ZNF831: variants seen among roughly 807,000 people sequenced by gnomAD.
The protein encoded by ZNF831 is chromosome 20 open reading frame 174.
A neutral mutation model predicts 95.8 loss-of-function variants in ZNF831; 59 were observed. That is an observed-to-expected ratio of 0.62 (90% CI 0.50 to 0.77). ZNF831 has a LOEUF of 0.77. Among genes scored for constraint, ZNF831 ranks in the 30% least tolerant of loss-of-function variants. ZNF831 has a pLI of 0.00. For missense variants in ZNF831, 2,205 were observed against 2,164.0 expected (o/e 1.02, Z -0.38); for synonymous variants, 961 against 925.5 (o/e 1.04, Z -0.70).
In ZNF831 at chr20:59,192,190, G is replaced by C. The variant is rs1225528900; in HGVS notation, c.1171G>C (p.Gly391Arg). ...PGPGVAGAEP[G>R]AREAGLELEK... ...GCCAGGGGTCGCAGGGGCCGAGCCC[G>C]GGGCGCGAGAAGCCGGCCTGGAGCT... is the stretch of plus-strand genomic sequence containing the variant. Residue 391 changes from glycine (G) to arginine (R), a missense_variant, in exon 2 of 6, where the codon GGG becomes CGG. Coordinates refer to ENST00000371030, the MANE Select transcript of ZNF831 (RefSeq NM_178457.3). The surrounding 1 kb of genome is among the most constrained non-coding windows in gnomAD (Gnocchi z 5.2). 5 of 1,572,034 alleles carry C rather than the reference G, an allele frequency of 3.2e-6. No individual in the cohort carries two copies. The South Asian group carries it at 3.5e-5, about 11-fold the overall frequency.
At chr20:59,168,688 C>T (rs964133122) in intron 1 of ZNF831, among the ~76,000 whole-genome samples, 16 of 152,120 alleles carry the variant, frequency 1.1e-4, no homozygotes, top group Middle Eastern at 6.8e-3. Context: ...AGAAAACATT[C>T]AGTTTTTCAC....
At position 59,208,375 on chromosome 20, in the gene ZNF831, A is replaced by G. The variant is rs1985053767; in HGVS notation, c.4027+1319A>G. On this transcript the variant is annotated intron_variant, in intron 4 of 5. Transcript: ENST00000371030. This position sits in a 1 kb window ranked among gnomAD's most constrained non-coding sequence, Gnocchi z 4.2. ...GGACAAGAGGATGTCTCCCCCATGC[A>G]AAGGCCAGGGGACCATGCAACTCTC... Among the ~76,000 whole-genome samples the G allele has an allele frequency of 6.6e-6, 1 of 152,016 alleles. No homozygotes were observed. Among genetic ancestry groups the G allele is most frequent in the South Asian group, 2.1e-4 (1 of 4,808 alleles).
chr20:59,219,510 T>C (rs962747751), intron 4 of ZNF831, among the ~76,000 whole-genome samples: 3 of 152,040 alleles, frequency 2.0e-5, no homozygotes, highest in African/African-American at 7.2e-5. Flanking sequence ...TGAGGGATCC[T>C]GACAAGGCCT....
rs2146562847 is a variant in ZNF831, at chr20:59,192,285, C to A, written c.1266C>A (p.Ala422=). The part of the protein sequence containing the change: ...ISHNQAVVDD[A]QLDNVRPRKT... ...ACAACCAGGCGGTGGTGGACGATGC[C>A]CAGCTGGACAACGTGCGGCCCCGGA... Residue 422 remains alanine (A), a synonymous_variant, in exon 2 of 6, where the codon GCC becomes GCA. Coordinates refer to ENST00000371030, the MANE Select transcript of ZNF831 (RefSeq NM_178457.3). The surrounding 1 kb of genome is among the most constrained non-coding windows in gnomAD (Gnocchi z 5.2). 1 of 1,589,194 alleles carries A rather than the reference C, an allele frequency of 6.3e-7. No homozygotes were observed.
chr20:59,152,311 G>A (rs1331272847), intron 2 of ZNF831, among the ~76,000 whole-genome samples: 1 of 148,924 alleles, frequency 6.7e-6, no homozygotes, highest in East Asian at 1.9e-4. Context: ...AGGTTCGGGA[G>A]TGGGAGATCA....
chr20:59,251,519 C>T (rs1054264536), intron 4 of ZNF831, among the ~76,000 whole-genome samples: 1 of 152,144 alleles, frequency 6.6e-6, no homozygotes, highest in African/African-American at 2.4e-5. Context: ...TCTCATGAAA[C>T]TACTAGAAGT....
intron 2 of ZNF831, among the ~76,000 whole-genome samples, chr20:59,158,383 G>GTGC (rs1980657384): frequency 6.6e-6 from 1 of 152,214 alleles, no homozygotes; most frequent in African/African-American, 2.4e-5. Context: ...CAAACAGTCT[G>GTGC]TGCTGCACAG....
intron 1 of ZNF831, among the ~76,000 whole-genome samples, chr20:59,175,332 C>G (rs1440525983): frequency 6.6e-6 from 1 of 152,116 alleles, no homozygotes; most frequent in Non-Finnish European, 1.5e-5. Flanking sequence ...TTAAGCTCAT[C>G]TTCTTTCTCT....
chr20:59,236,460 G>GT (rs1987004619), intron 4 of ZNF831, among the ~76,000 whole-genome samples: 1 of 150,596 alleles, frequency 6.6e-6, no homozygotes, highest in African/African-American at 2.4e-5. Context: ...TTTTGTTTTT[G>GT]TTTTTTGTTT....
At chr20:59,126,401 G>C (rs922807881) in intron 1 of ZNF831, among the ~76,000 whole-genome samples, 5 of 152,188 alleles carry the variant, frequency 3.3e-5, no homozygotes, top group Admixed American at 2.6e-4. Context: ...GGTCCCAGCA[G>C]TGTCACTGTG....
Position 59,208,496 on chromosome 20 carries a change from T to A in ZNF831, c.4027+1440T>A, listed in dbSNP as rs1410178843. Among the ~76,000 whole-genome samples, 1 of 152,144 alleles carries A rather than the reference T, an allele frequency of 6.6e-6. No homozygotes were observed. Among genetic ancestry groups the A allele is most frequent in the African/African-American group, 2.4e-5 (1 of 41,440 alleles). ...CCTGTGGATGCCCCTCGTCTCTCCT[T>A]AAGAGTTTTCCAATGTATAACCCAC... On this transcript the variant is annotated intron_variant, in intron 4 of 5. Coordinates refer to ENST00000371030, the MANE Select transcript of ZNF831 (RefSeq NM_178457.3). This position sits in a 1 kb window ranked among gnomAD's most constrained non-coding sequence, Gnocchi z 4.2.
rs1439777593 is a variant in ZNF831 at position 59,217,184 on chromosome 20, G to GTGTGTGTGTC, written c.4027+10137_4027+10138insCTGTGTGTGT. Among the ~76,000 whole-genome samples, 10 of 152,146 alleles carry GTGTGTGTGTC rather than the reference G, an allele frequency of 6.6e-5. No homozygotes were observed. The highest frequency in any genetic ancestry group is 2.1e-4 in the South Asian group (1 of 4,832). On this transcript the variant is annotated intron_variant, in intron 4 of 5. Coordinates refer to ENST00000371030, the MANE Select transcript of ZNF831 (RefSeq NM_178457.3). This position sits in a 1 kb window ranked among gnomAD's most constrained non-coding sequence, Gnocchi z 4.4. ...TCTCTGTGTGTGTGTGTGTGTGTGTGTGTGTGTGTGTAACACAGCAGCAGC... is the reference window on the plus strand; with the variant it reads ...TCTCTGTGTGTGTGTGTGTGTGTGTGTGTGTGTGTCTGTGTGTGTGTAACACAGCAGCAGC...
intron 2 of ZNF831, among the ~76,000 whole-genome samples, chr20:59,154,665 C>A (rs1194792937): frequency 3.3e-5 from 5 of 152,266 alleles, no homozygotes; most frequent in African/African-American, 1.2e-4. Flanking sequence ...GGCATGCTGC[C>A]TGGCTTCTCT....
chr20:59,134,609 C>G (rs995605607), intron 1 of ZNF831, among the ~76,000 whole-genome samples: 4 of 152,230 alleles, frequency 2.6e-5, no homozygotes, highest in African/African-American at 9.6e-5. Context: ...CCACCATGGG[C>G]CAAGCCAGAA....
chr20:59,151,345 C>A (rs1019643910), intron 2 of ZNF831, among the ~76,000 whole-genome samples: 1 of 152,168 alleles, frequency 6.6e-6, no homozygotes, highest in Non-Finnish European at 1.5e-5. Flanking sequence ...TGGGCACCCT[C>A]CTGCTGAGAT....
chr20:59,164,334 CTG>C (rs1981086000), intron 1 of ZNF831, among the ~76,000 whole-genome samples, 127 bp downstream of exon 1: 1 of 152,206 alleles, frequency 6.6e-6, no homozygotes, highest in South Asian at 2.1e-4. Context: ...CTACGTAAAA[CTG>C]TGTGTGACCC....
intron 2 of ZNF831, among the ~76,000 whole-genome samples, chr20:59,147,775 A>G (rs1460625913): frequency 2.0e-5 from 3 of 152,236 alleles, no homozygotes; most frequent in Admixed American, 1.3e-4. Context: ...GGTTGATCAG[A>G]TGTTGGCTGA....
chr20:59,206,989 C>T lies in ZNF831; in HGVS notation c.3960C>T (p.Arg1320=). The T allele has an allele frequency of 6.2e-7, 1 of 1,614,226 alleles. No homozygotes were observed. The highest frequency in any genetic ancestry group is 8.5e-7 in the Non-Finnish European group (1 of 1,180,042). ...CAACCTGGGTGCGAAGAAGAAGCCG[C>T]CACCCTCCCGCACTTGAGGGACTGA... ...RTPTWVRRRS[R]HPPALEGLKP... The change falls in exon 4 of 6, where the codon CGC becomes CGT. Residue 1320 remains arginine, a synonymous_variant. Coordinates refer to ENST00000371030, the MANE Select transcript of ZNF831 (RefSeq NM_178457.3).
rs1038564272 is a variant in ZNF831 at position 59,258,515 on chromosome 20, C to T, written c.*3772C>T. On this transcript the variant is annotated 3_prime_UTR_variant, in exon 6 of 6. Coordinates refer to ENST00000371030, the MANE Select transcript of ZNF831 (RefSeq NM_178457.3). ...TAGTTATGGAAACTGTCATCATTAT[C>T]GGAATGTGCTGCTGCTCAACTCCCC... 10 of 152,656 alleles carry T rather than the reference C, an allele frequency of 6.6e-5. No individual in the cohort carries two copies. Among genetic ancestry groups the T allele is most frequent in the South Asian group, 4.2e-4 (2 of 4,814 alleles). 9.5% of individuals were successfully genotyped at this position (152,656 alleles called of 1,614,324 possible).
Sources: allele counts gnomAD v4.1 joint callset (sites outside exome capture counted in the v4.1 genomes callset), GRCh38; gene constraint gnomAD v4.1.1; non-coding constraint Gnocchi (gnomAD v3.1); transcripts MANE v1.5; gene names NCBI Gene and HGNC (gene_info 2026-07-23, HGNC 2026-07-21).